The following THRB variants were observed in gnomAD, a reference collection of about 807,000 sequenced individuals.
The protein encoded by THRB is nuclear receptor subfamily 1 group A member 2.
Under a neutral mutation model 47.8 loss-of-function variants are expected in THRB, and 12 were observed. The ratio of observed to expected loss-of-function variants is 0.25; its 90% confidence interval spans 0.16 to 0.41. The LOEUF is 0.41. Among genes scored for constraint, THRB ranks in the 10% least tolerant of loss-of-function variants. The probability of loss-of-function intolerance (pLI) is 1.00; values close to 1 mark genes in which losing one functional copy is unlikely to be tolerated. For missense variants in THRB, 348 were observed against 589.2 expected (o/e 0.59, Z 4.24); for synonymous variants, 218 against 212.2 (o/e 1.03, Z -0.24).
intron 1 of THRB, among the ~76,000 whole-genome samples, chr3:24,439,687 AC>A (rs2071342904): frequency 1.3e-5 from 2 of 152,324 alleles, no homozygotes; most frequent in South Asian, 2.1e-4. Context: ...GCTATTAACT[AC>A]ATGTTGGTAA....
intron 1 of THRB, among the ~76,000 whole-genome samples, chr3:24,472,679 T>C (rs1269165825): frequency 6.6e-6 from 1 of 152,180 alleles, no homozygotes; most frequent in Non-Finnish European, 1.5e-5. Flanking sequence ...TGATAGTCAC[T>C]TACTGTAAGG....
At chr3:24,291,930 T>C (rs1189829093) in intron 3 of THRB, among the ~76,000 whole-genome samples, 1 of 152,186 alleles carries the variant, frequency 6.6e-6, no homozygotes, top group Non-Finnish European at 1.5e-5. Context: ...ATATGTTCAT[T>C]GTAGGTTTTA....
intron 3 of THRB, among the ~76,000 whole-genome samples, chr3:24,281,268 G>C (rs2054567430): frequency 6.6e-6 from 1 of 152,104 alleles, no homozygotes. Context: ...CCAGAAGAGA[G>C]TGGGGGCCAA....
At chr3:24,334,522 C>T (rs1187184928) in intron 2 of THRB, among the ~76,000 whole-genome samples, 1 of 152,140 alleles carries the variant, frequency 6.6e-6, no homozygotes, top group Non-Finnish European at 1.5e-5. Flanking sequence ...TAAAGAAAGG[C>T]ATCTTTGGGA....
At chr3:24,265,706 G>A (rs2052581232) in intron 3 of THRB, among the ~76,000 whole-genome samples, 1 of 152,122 alleles carries the variant, frequency 6.6e-6, no homozygotes, top group Non-Finnish European at 1.5e-5. Context: ...CAGCATTAAT[G>A]TTAACAAAAA....
At chr3:24,258,586 C>T (rs1409086359) in intron 3 of THRB, among the ~76,000 whole-genome samples, 3 of 152,114 alleles carry the variant, frequency 2.0e-5, no homozygotes, top group African/African-American at 4.8e-5. Context: ...CAGGTGGGGC[C>T]ATCTCATCTG....
At chr3:24,464,011 CCGAGGTGGGCGGATCA>C (rs1265483099) in intron 1 of THRB, among the ~76,000 whole-genome samples, 4 of 152,146 alleles carry the variant, frequency 2.6e-5, no homozygotes, top group African/African-American at 9.7e-5. Flanking sequence ...CTTTGGGAGG[CCGAGGTGGGCGGATCA>C]CGAGGTCAGG....
intron 1 of THRB, among the ~76,000 whole-genome samples, chr3:24,471,878 G>A (rs939243141): frequency 6.6e-6 from 1 of 152,166 alleles, no homozygotes; most frequent in Non-Finnish European, 1.5e-5. Context: ...GAGTAGGGAA[G>A]CTATGGATAT....
intron 4 of THRB, among the ~76,000 whole-genome samples, chr3:24,203,940 G>T (rs2149760473): frequency 6.6e-6 from 1 of 152,334 alleles, no homozygotes; most frequent in East Asian, 1.9e-4. Context: ...AAACTGCAAG[G>T]TGGCAGCAAG....
At chr3:24,149,588 T>C (rs1248574593) in intron 6 of THRB, among the ~76,000 whole-genome samples, 1 of 152,260 alleles carries the variant, frequency 6.6e-6, no homozygotes, top group Admixed American at 6.5e-5. Context: ...TATGCCATCT[T>C]TTCTGTGGCC....
At chr3:24,376,368 A>C (rs1346925886) in intron 1 of THRB, among the ~76,000 whole-genome samples, 1 of 152,164 alleles carries the variant, frequency 6.6e-6, no homozygotes, top group Non-Finnish European at 1.5e-5. Flanking sequence ...GGGTGAAGAA[A>C]ACTGAGACCT....
At chr3:24,270,557 C>T (rs1210544101) in intron 3 of THRB, among the ~76,000 whole-genome samples, 5 of 152,208 alleles carry the variant, frequency 3.3e-5, no homozygotes. Flanking sequence ...ACGTCCCAGC[C>T]CTTCCAGCTG....
chr3:24,165,310 G>T lies in THRB; in HGVS notation c.284-12820C>A, dbSNP rs771522671. The T allele has an allele frequency of 9.2e-6, 7 of 764,890 alleles. No individual in the cohort carries two copies. The Admixed American group carries it at 1.2e-4, about 13-fold the overall frequency. The allele number at this position is 764,890 out of a possible 1,614,324, so 47.4% of individuals were successfully genotyped here. On this transcript the variant is annotated intron_variant, in intron 5 of 10. Coordinates refer to ENST00000646209, the MANE Select transcript of THRB (RefSeq NM_001354712.2). ...TGGACTGCATGTAGCAATTGCTGCCGGCAGCTGGGTGCACTTCATATATTT... is the reference window on the plus strand; with the variant it reads ...TGGACTGCATGTAGCAATTGCTGCCTGCAGCTGGGTGCACTTCATATATTT...
chr3:24,263,619 T>TC (rs952458137), intron 3 of THRB, among the ~76,000 whole-genome samples: 2 of 129,238 alleles, frequency 1.5e-5, no homozygotes, highest in African/African-American at 6.8e-5. Context: ...GTTACAGGCC[T>TC]TTTTTTTTTT....
chr3:24,198,238 C>T (rs551919475), intron 4 of THRB, among the ~76,000 whole-genome samples: 6 of 152,168 alleles, frequency 3.9e-5, no homozygotes, highest in Non-Finnish European at 8.8e-5. Flanking sequence ...GAGACATCTC[C>T]AAAATAGTGA....
intron 1 of THRB, among the ~76,000 whole-genome samples, chr3:24,419,283 T>C (rs2069021293): frequency 6.6e-6 from 1 of 151,878 alleles, no homozygotes; most frequent in Non-Finnish European, 1.5e-5. Flanking sequence ...CGACCCTAGC[T>C]ACTGGAGGCA....
intron 4 of THRB, among the ~76,000 whole-genome samples, chr3:24,214,605 G>C (rs2046380532): frequency 6.6e-6 from 1 of 152,204 alleles, no homozygotes; most frequent in Admixed American, 6.5e-5. Context: ...CAGTGGCTGA[G>C]ATGCCGACAT....
intron 3 of THRB, among the ~76,000 whole-genome samples, chr3:24,277,910 G>A (rs1339202123): frequency 1.3e-5 from 2 of 152,176 alleles, no homozygotes; most frequent in African/African-American, 4.8e-5. Context: ...TCTCAATTAA[G>A]GGGTGACAAC....
chr3:24,189,953 T>C, intron 5 of THRB, 121 bp downstream of exon 5: 1 of 953,626 alleles, frequency 1.0e-6, no homozygotes, highest in South Asian at 1.4e-5. Flanking sequence ...AAAAGAACAG[T>C]TGGAGAAAAC....
Sources: allele counts gnomAD v4.1 joint callset (sites outside exome capture counted in the v4.1 genomes callset), GRCh38; gene constraint gnomAD v4.1.1; transcripts MANE v1.5; gene names NCBI Gene and HGNC (gene_info 2026-07-23, HGNC 2026-07-21).